BCKDHB: variants seen among roughly 807,000 people sequenced by gnomAD.
BCKDHB encodes the protein branched chain keto acid dehydrogenase E1 subunit beta.
BCKDHB carries 41 observed loss-of-function variants against 48.5 expected under a neutral mutation model. The ratio of observed to expected loss-of-function variants is 0.85; its 90% CI spans 0.66 to 1.10. The LOEUF (loss-of-function observed/expected upper bound fraction) is 1.10, where lower values mean the gene tolerates loss of function less well. Ranked by LOEUF, BCKDHB falls within the 50% of genes least tolerant of loss-of-function variation. The probability of loss-of-function intolerance (pLI) is 0.00; values close to 1 mark genes in which losing one functional copy is unlikely to be tolerated. For synonymous variants in BCKDHB, 201 were observed against 174.8 expected (o/e 1.15, Z -1.18); for missense variants, 496 against 494.2 (o/e 1.00, Z -0.03).
chr6:80,173,572 A>C (rs1773015480), intron 6 of BCKDHB, among the ~76,000 whole-genome samples: 1 of 152,176 alleles, frequency 6.6e-6, no homozygotes, highest in African/African-American at 2.4e-5. Flanking sequence ...CTCTGGGAGC[A>C]GAGCCCAGCT....
At chr6:80,253,712 T>C (rs1776930683) in intron 8 of BCKDHB, among the ~76,000 whole-genome samples, 1 of 152,114 alleles carries the variant, frequency 6.6e-6, no homozygotes, top group Non-Finnish European at 1.5e-5. Context: ...TCACAGGAGA[T>C]CTTTTGCCCC....
At chr6:80,420,760 C>T in the BCKDHB span, among the ~76,000 whole-genome samples, 10 of 152,198 alleles carry the variant, frequency 6.6e-5, no homozygotes, top group African/African-American at 1.7e-4. Flanking sequence ...GCTGTGCTGC[C>T]GATGCCCTCA....
chr6:80,259,282 A>G (rs1227950507), intron 8 of BCKDHB, among the ~76,000 whole-genome samples: 1 of 152,164 alleles, frequency 6.6e-6, no homozygotes, highest in African/African-American at 2.4e-5. Flanking sequence ...GGCCAGCTGC[A>G]ATATTATGGT....
At chr6:80,349,201 C>T (rs1770324636), downstream of BCKDHB, among the ~76,000 whole-genome samples, 1 of 152,222 alleles carries the variant, frequency 6.6e-6, no homozygotes, top group Non-Finnish European at 1.5e-5. Context: ...CATTATTCTG[C>T]TGTTAACCTT....
At chr6:80,394,190 A>G in the BCKDHB span, among the ~76,000 whole-genome samples, 1 of 152,238 alleles carries the variant, frequency 6.6e-6, no homozygotes, top group Non-Finnish European at 1.5e-5. Flanking sequence ...TCTGTTCATT[A>G]TCATCCTTAT....
chr6:80,321,440 G>A (rs1358488521), intron 9 of BCKDHB, among the ~76,000 whole-genome samples: 1 of 152,184 alleles, frequency 6.6e-6, no homozygotes, highest in African/African-American at 2.4e-5. Flanking sequence ...TGGAATGGTT[G>A]TGGTAATGTA....
the BCKDHB span, among the ~76,000 whole-genome samples, chr6:80,451,275 C>T: frequency 6.6e-6 from 1 of 152,104 alleles, no homozygotes; most frequent in East Asian, 1.9e-4. Flanking sequence ...CGTATAGGCT[C>T]TTTTTAAATT....
chr6:80,339,108 G>T (rs536076554), intron 9 of BCKDHB, among the ~76,000 whole-genome samples: 2 of 152,284 alleles, frequency 1.3e-5, no homozygotes, highest in Admixed American at 1.3e-4. Context: ...GAGAATTAGG[G>T]ATTGACATAC....
intron 8 of BCKDHB, among the ~76,000 whole-genome samples, chr6:80,211,669 TCTTTCTC>T (rs1774938663): frequency 6.6e-6 from 1 of 152,186 alleles, no homozygotes; most frequent in Non-Finnish European, 1.5e-5. Flanking sequence ...TAGAAAATGT[TCTTTCTC>T]CAGCAAGCCC....
chr6:80,344,295 G>A lies in BCKDHB; in HGVS notation c.*491G>A. 20 of 189,310 alleles carry A rather than the reference G, an allele frequency of 1.1e-4. No individual in the cohort carries two copies. The highest frequency in any genetic ancestry group is 3.2e-4 in the South Asian group (3 of 9,398). 11.7% of individuals were successfully genotyped at this position (189,310 alleles called of 1,614,324 possible). On this transcript the variant is annotated 3_prime_UTR_variant, in exon 10 of 10. Transcript: ENST00000320393. ...GCTGGGATTACAGGCATGAGCCACT[G>A]CACCTGGCTATATTTACATTTAATA...
intron 9 of BCKDHB, among the ~76,000 whole-genome samples, chr6:80,282,213 T>A (rs982095842): frequency 6.6e-6 from 1 of 152,180 alleles, no homozygotes; most frequent in Non-Finnish European, 1.5e-5. Flanking sequence ...CCACTTACTA[T>A]TGATAAAATG....
In BCKDHB at chr6:80,168,903, A is replaced by G. The variant is rs398124580; in HGVS notation, c.506A>G (p.Tyr169Cys). The G allele has an allele frequency of 1.4e-5, 22 of 1,614,100 alleles. No homozygotes were observed. The highest frequency in any genetic ancestry group is 4.4e-5 in the South Asian group (4 of 91,078). The stretch of plus-strand genomic sequence containing the variant: ...GTTAATGAAGCTGCCAAGTATCGCT[A>G]TCGCTCTGGGGATCTTTTTAACTGT... ...QIVNEAAKYR[Y>C]RSGDLFNCGS... The change falls in exon 5 of 10, where the codon TAT (tyrosine) becomes TGT (cysteine). Residue 169 changes from tyrosine to cysteine, a missense_variant. Coordinates refer to ENST00000320393, the MANE Select transcript of BCKDHB (RefSeq NM_183050.4).
intron 6 of BCKDHB, among the ~76,000 whole-genome samples, chr6:80,171,742 C>T (rs1164201544): frequency 6.6e-6 from 1 of 152,056 alleles, no homozygotes; most frequent in Non-Finnish European, 1.5e-5. Flanking sequence ...ACTAAAGTGA[C>T]CATAAAGGTC....
intron 8 of BCKDHB, among the ~76,000 whole-genome samples, chr6:80,239,591 A>T (rs1326704733): frequency 1.3e-5 from 2 of 152,126 alleles, no homozygotes; most frequent in Non-Finnish European, 2.9e-5. Context: ...TGCTGTGCAG[A>T]AGCTCTTTAG....
intron 8 of BCKDHB, among the ~76,000 whole-genome samples, chr6:80,223,106 C>G (rs1775535124): frequency 6.6e-6 from 1 of 152,156 alleles, no homozygotes; most frequent in African/African-American, 2.4e-5. Flanking sequence ...TTAAAAATCA[C>G]AGCCATTCAT....
the BCKDHB span, among the ~76,000 whole-genome samples, chr6:80,399,511 A>G: frequency 0.1 from 15,736 of 151,446 alleles, 2,315 homozygotes; most frequent in African/African-American, 0.33. Flanking sequence ...GCCACAAAAA[A>G]TAAACTACCT....
At chr6:80,110,816 G>A (rs184278786) in intron 1 of BCKDHB, among the ~76,000 whole-genome samples, 2 of 152,246 alleles carry the variant, frequency 1.3e-5, no homozygotes, top group African/African-American at 4.8e-5. Flanking sequence ...GCTTAATTGG[G>A]TATTGTTTTT....
At chr6:80,374,322 C>CACCA in the BCKDHB span, 1 of 954,518 alleles carries the variant, frequency 1.0e-6, no homozygotes. Flanking sequence ...CTTTTTGGGC[C>CACCA]ACCAACCTTG....
intron 8 of BCKDHB, among the ~76,000 whole-genome samples, chr6:80,270,551 C>G (rs189376876): frequency 4.3e-4 from 66 of 152,164 alleles, no homozygotes; most frequent in African/African-American, 1.6e-3. Flanking sequence ...TCCTCTAGTT[C>G]TTGGTGTTTT....
Sources: gnomAD v4.1 joint callset for allele counts (sites outside exome capture counted in the v4.1 genomes callset) on GRCh38, gnomAD v4.1.1 for gene constraint, MANE v1.5 for transcripts, NCBI Gene and HGNC (gene_info 2026-07-23, HGNC 2026-07-21) for gene names.